The following MAP3K19 variants were observed in gnomAD, a reference collection of about 807,000 sequenced individuals.
The protein encoded by MAP3K19 is mitogen-activated protein kinase kinase kinase 19, also known as SPS1/STE20-related protein kinase YSK4.
MAP3K19 carries 91 observed loss-of-function variants against 114.4 expected under a neutral mutation model. The ratio of observed to expected loss-of-function variants is 0.80; its 90% CI spans 0.67 to 0.95. The LOEUF (loss-of-function observed/expected upper bound fraction) is 0.95. Ranked by LOEUF, MAP3K19 falls within the 40% of genes least tolerant of loss-of-function variation. The pLI, the probability that MAP3K19 is intolerant of heterozygous loss-of-function variation, is 0.00. For missense variants in MAP3K19, 1,471 were observed against 1,573.2 expected, an observed-to-expected ratio of 0.94 and a Z score of 1.10; for synonymous variants, 518 against 530.5, an observed-to-expected ratio of 0.98 and a Z score of 0.32.
chr2:135,010,511 C>A (rs911098477), intron 5 of MAP3K19, among the ~76,000 whole-genome samples: 62 of 152,134 alleles, frequency 4.1e-4, no homozygotes, highest in Non-Finnish European at 7.1e-4. Context: ...TTGACAACAC[C>A]ACGGGAGCTG....
chr2:135,001,363 T>C (rs530299032), intron 6 of MAP3K19, among the ~76,000 whole-genome samples: 1 of 152,368 alleles, frequency 6.6e-6, no homozygotes, highest in East Asian at 1.9e-4. Context: ...AATAGTCCAT[T>C]GTTTTTTAAG....
intron 12 of MAP3K19, among the ~76,000 whole-genome samples, chr2:134,968,794 C>T (rs1683629353): frequency 6.6e-6 from 1 of 151,684 alleles, no homozygotes; most frequent in African/African-American, 2.4e-5. Flanking sequence ...GATGTGATGG[C>T]GGCTGGGAAG....
chr2:134,972,716 T>C (rs1683964838), intron 12 of MAP3K19, among the ~76,000 whole-genome samples: 1 of 152,142 alleles, frequency 6.6e-6, no homozygotes, highest in South Asian at 2.1e-4. Flanking sequence ...GGATTACAGG[T>C]GTAAGCCACC....
chr2:135,006,887 G>C (rs117720239), intron 5 of MAP3K19, among the ~76,000 whole-genome samples: 21 of 145,914 alleles, frequency 1.4e-4, no homozygotes, highest in African/African-American at 5.3e-4. Flanking sequence ...GGAAATAAAA[G>C]TAAAACCTGG....
At chr2:135,029,983 T>C (rs1688342578) in intron 3 of MAP3K19, among the ~76,000 whole-genome samples, 1 of 152,178 alleles carries the variant, frequency 6.6e-6, no homozygotes, top group South Asian at 2.1e-4. Context: ...ATTGTACAAA[T>C]GGCAATGATG....
intron 2 of MAP3K19, among the ~76,000 whole-genome samples, chr2:135,036,354 C>T (rs535963734): frequency 1.7e-4 from 26 of 152,298 alleles, no homozygotes; most frequent in Admixed American, 1.2e-3. Flanking sequence ...GTTTCACCTT[C>T]ATTCAAATGT....
chr2:135,000,857 G>A, intron 6 of MAP3K19, among the ~76,000 whole-genome samples: 1 of 152,140 alleles, frequency 6.6e-6, no homozygotes, highest in East Asian at 1.9e-4. Flanking sequence ...GAGGAGCAAT[G>A]GCTGTATGAG....
At chr2:135,044,007 C>G (rs1195091904) in intron 1 of MAP3K19, among the ~76,000 whole-genome samples, 1 of 152,170 alleles carries the variant, frequency 6.6e-6, no homozygotes, top group Non-Finnish European at 1.5e-5. Flanking sequence ...TAGCAGAATA[C>G]TTTGAAATAG....
At position 134,988,173 on chromosome 2, in the gene MAP3K19, T is replaced by A; in HGVS notation, c.699A>T (p.Glu233Asp). Residue 233 changes from glutamate to aspartate, a missense_variant, in exon 10 of 13, where the codon GAA (glutamate) becomes GAT (aspartate). Transcript: ENST00000392915. ...TIPQNHKFPK[E>D]KERNIPSLTS... ...TGAGACTTGGAATGTTTCTTTCTTT[T>A]TCTTTTGGAAACTTGTGATTTTGGG... 4 of 1,613,012 alleles carry A rather than the reference T, an allele frequency of 2.5e-6. No individual in the cohort carries two copies. The African/African-American group carries it at 4.0e-5, about 16-fold the overall frequency.
chr2:135,022,254 T>C (rs1043154066), intron 4 of MAP3K19, among the ~76,000 whole-genome samples: 1 of 152,214 alleles, frequency 6.6e-6, no homozygotes, highest in Non-Finnish European at 1.5e-5. Flanking sequence ...ACTTCATACT[T>C]AATGTCTACG....
intron 3 of MAP3K19, among the ~76,000 whole-genome samples, chr2:135,025,349 T>C (rs1213204486): frequency 6.7e-6 from 1 of 149,590 alleles, no homozygotes; most frequent in Non-Finnish European, 1.5e-5. Flanking sequence ...AAAACCAAAG[T>C]GTGCCTCTCC....
intron 12 of MAP3K19, among the ~76,000 whole-genome samples, chr2:134,970,693 G>T (rs554847589): frequency 1.6e-4 from 25 of 151,520 alleles, no homozygotes; most frequent in Admixed American, 5.3e-4. Flanking sequence ...CACCTCCCGG[G>T]TTCATGCCAT....
chr2:134,971,053 G>T (rs1475397958), intron 12 of MAP3K19, among the ~76,000 whole-genome samples: 1 of 152,118 alleles, frequency 6.6e-6, no homozygotes, highest in African/African-American at 2.4e-5. Flanking sequence ...TTAGCTGTGG[G>T]TTTGTCATAT....
rs775371235 is a variant in MAP3K19 at position 134,986,090 on chromosome 2, C to A, written c.2782G>T (p.Asp928Tyr). 4.2e-5 allele frequency: 68 copies of A among 1,613,824 alleles called. No homozygotes were observed. The highest frequency in any genetic ancestry group is 5.4e-5 in the Non-Finnish European group (64 of 1,179,966). ...GACTTATTTGCTAAACTATCATGATCCAAATAATGTACCCAATATTGATAT... is the reference window on the plus strand; with the variant it reads ...GACTTATTTGCTAAACTATCATGATACAAATAATGTACCCAATATTGATAT... ...QTYQYWVHYL[D>Y]HDSLANKSIT... The change falls in exon 10 of 13, where the codon GAT becomes TAT. Residue 928 changes from aspartate (D) to tyrosine (Y), a missense_variant. Transcript: ENST00000392915.
intron 12 of MAP3K19, among the ~76,000 whole-genome samples, chr2:134,980,190 C>T (rs149404615): frequency 5.9e-5 from 9 of 152,312 alleles, no homozygotes; most frequent in African/African-American, 2.2e-4. Flanking sequence ...TAACTAGAGC[C>T]ATCTGTCTGC....
At chr2:135,033,499 C>T (rs1278751574) in intron 2 of MAP3K19, among the ~76,000 whole-genome samples, 1 of 110,352 alleles carries the variant, frequency 9.1e-6, no homozygotes, top group Non-Finnish European at 1.7e-5. Flanking sequence ...GGCAGAGGGG[C>T]TCCTCACTTC....
chr2:134,981,043 C>T lies in MAP3K19; in HGVS notation c.3698G>A (p.Trp1233Ter), dbSNP rs1366965685. Residue 1233 changes from tryptophan to a stop codon, truncating the protein, a stop_gained, in exon 12 of 13, where the codon TGG (tryptophan) becomes TAG (stop). Transcript: ENST00000392915. LOFTEE classifies it high-confidence loss of function. ...CTCATTGATGACTTCTGGGGCCATC[C>T]AATATGGAGTCCCATGCATGGACTT... ...MLKSMHGTPY[W>*]MAPEVINESG... is the part of the protein sequence containing the mutation. 2 of 1,614,220 alleles carry T rather than the reference C, an allele frequency of 1.2e-6. No homozygotes were observed. The highest frequency in any genetic ancestry group is 1.7e-6 in the Non-Finnish European group (2 of 1,180,052).
chr2:134,972,694 C>A (rs542872797), intron 12 of MAP3K19, among the ~76,000 whole-genome samples: 13 of 152,232 alleles, frequency 8.5e-5, no homozygotes, highest in African/African-American at 3.1e-4. Flanking sequence ...ACCTTGGCCT[C>A]CCACAGTGTT....
chr2:135,023,130 T>A (rs1558739206), intron 4 of MAP3K19: 1 of 206,418 alleles, frequency 4.8e-6, no homozygotes, highest in African/African-American at 2.3e-5. Flanking sequence ...TTTCCATTTC[T>A]TCATCATATT....
Sources: gnomAD v4.1 joint callset for allele counts (sites outside exome capture counted in the v4.1 genomes callset) on GRCh38, gnomAD v4.1.1 for gene constraint, MANE v1.5 for transcripts, NCBI Gene and HGNC (gene_info 2026-07-23, HGNC 2026-07-21) for gene names.